The following NRXN1 variants were observed in gnomAD, a reference collection of about 807,000 sequenced individuals.
NRXN1 encodes the protein neurexin 1, also known as neurexin-1.
A neutral mutation model predicts 150.9 loss-of-function variants in NRXN1; 39 were observed. The ratio of observed to expected loss-of-function variants is 0.26; its 90% CI spans 0.20 to 0.34. The LOEUF (loss-of-function observed/expected upper bound fraction) is 0.34. Among genes scored for constraint, NRXN1 ranks in the 10% least tolerant of loss-of-function variants. The probability of loss-of-function intolerance (pLI) is 1.00; values close to 1 mark genes in which losing one functional copy is unlikely to be tolerated. For synonymous variants in NRXN1, 924 were observed against 757.0 expected, an observed-to-expected ratio of 1.22 and a Z score of -3.62; for missense variants, 1,815 against 1,949.9, an observed-to-expected ratio of 0.93 and a Z score of 1.30.
Position 50,347,071 on chromosome 2 carries a change from C to G in NRXN1, c.3365-110101G>C. ...TGAGGGGCCGGCCGCCTCACCGCGC[C>G]AGGGCACCCATCCTCTCCCTCCTTC... On this transcript the variant is annotated intron_variant, in intron 17 of 22. Coordinates refer to ENST00000401669, the MANE Select transcript of NRXN1 (RefSeq NM_001330078.2). This position sits in a 1 kb window ranked among gnomAD's most constrained non-coding sequence, Gnocchi z 4.9. 1 of 1,381,152 alleles carries G rather than the reference C, an allele frequency of 7.2e-7. No individual in the cohort carries two copies. The highest frequency in any genetic ancestry group is 1.5e-5 in the African/African-American group (1 of 66,960). The allele number at this position is 1,381,152 out of a possible 1,614,324, so 85.6% of individuals were successfully genotyped here.
At chr2:50,288,226 G>A (rs1248186581) in intron 17 of NRXN1, among the ~76,000 whole-genome samples, 1 of 152,044 alleles carries the variant, frequency 6.6e-6, no homozygotes, top group East Asian at 1.9e-4. Context: ...GTCAATTGGA[G>A]AAGATTTTAC....
chr2:50,135,954 A>C (rs976825068), intron 18 of NRXN1, among the ~76,000 whole-genome samples: 2 of 152,208 alleles, frequency 1.3e-5, no homozygotes, highest in African/African-American at 4.8e-5. Context: ...TTTCATGTAG[A>C]TGTCAAACAT....
Position 50,313,209 on chromosome 2 carries a change from G to A in NRXN1, c.3365-76239C>T, listed in dbSNP as rs2075319915. On this transcript the variant is annotated intron_variant, in intron 17 of 22. Coordinates refer to ENST00000401669, the MANE Select transcript of NRXN1 (RefSeq NM_001330078.2). Reference sequence around the variant, plus strand: ...TATCTCATCAGTATCTATTAATCAAGGATGGTGAATAACTACAGTCTCATT... The same window carrying A: ...TATCTCATCAGTATCTATTAATCAAAGATGGTGAATAACTACAGTCTCATT... 3.9e-5 allele frequency among the ~76,000 whole-genome samples: 6 copies of A among 152,046 alleles called. No homozygotes were observed. In the South Asian group the frequency reaches 1.2e-3, roughly 32 times the overall value.
intron 17 of NRXN1, among the ~76,000 whole-genome samples, chr2:50,456,392 C>G (rs982506944): frequency 6.6e-6 from 1 of 152,108 alleles, no homozygotes; most frequent in Non-Finnish European, 1.5e-5. Flanking sequence ...GCTAACATAT[C>G]ACCTTTGTGC....
At chr2:50,551,112 G>T (rs1203954122) in intron 9 of NRXN1, among the ~76,000 whole-genome samples, 2 of 117,614 alleles carry the variant, frequency 1.7e-5, no homozygotes, top group Admixed American at 1.7e-4. Context: ...GAGGGAGGGG[G>T]AGGGGGAGGG....
chr2:50,907,898 G>A (rs1477548791), intron 5 of NRXN1, among the ~76,000 whole-genome samples: 1 of 152,116 alleles, frequency 6.6e-6, no homozygotes, highest in African/African-American at 2.4e-5. Context: ...TACATTTGTA[G>A]TAATTTGTTA....
chr2:50,983,464 C>G (rs1697166318), intron 2 of NRXN1, among the ~76,000 whole-genome samples: 1 of 152,092 alleles, frequency 6.6e-6, no homozygotes, highest in Non-Finnish European at 1.5e-5. Flanking sequence ...AGTCCCCACC[C>G]AGTGGTACTG....
intron 5 of NRXN1, among the ~76,000 whole-genome samples, chr2:50,703,724 T>A (rs1317267519): frequency 6.6e-6 from 1 of 152,168 alleles, no homozygotes; most frequent in African/African-American, 2.4e-5. Context: ...TATGAATTGA[T>A]GTTTATTGTA....
At chr2:50,274,784 A>T (rs1257578883) in intron 17 of NRXN1, among the ~76,000 whole-genome samples, 1 of 127,430 alleles carries the variant, frequency 7.8e-6, no homozygotes, top group Non-Finnish European at 1.8e-5. Flanking sequence ...TCAACTACTT[A>T]AAAAAAAACC....
At chr2:50,811,872 T>C (rs762253093) in intron 5 of NRXN1, among the ~76,000 whole-genome samples, 15 of 152,182 alleles carry the variant, frequency 9.9e-5, no homozygotes, top group Admixed American at 2.6e-4. Flanking sequence ...ATCTGTATTA[T>C]TTTTTGACAG....
intron 17 of NRXN1, among the ~76,000 whole-genome samples, chr2:50,318,336 C>G (rs1463088101): frequency 1.3e-5 from 2 of 152,114 alleles, no homozygotes; most frequent in Non-Finnish European, 2.9e-5. Flanking sequence ...AGGAAGTCAT[C>G]ATCCCCCAGT....
chr2:50,727,474 G>A lies in NRXN1; in HGVS notation c.833-103859C>T, dbSNP rs1368013745. Among the ~76,000 whole-genome samples the A allele has an allele frequency of 5.3e-5, 8 of 151,810 alleles. No individual in the cohort carries two copies. In the South Asian group the frequency reaches 8.3e-4, roughly 16 times the overall value. On this transcript the variant is annotated intron_variant, in intron 5 of 22. Coordinates refer to ENST00000401669, the MANE Select transcript of NRXN1 (RefSeq NM_001330078.2). ...CACACACACACCTACACATCCTTCC[G>A]TATGGCTAAAAACAAATTTTAAGTT... is the stretch of plus-strand genomic sequence containing the variant.
At chr2:50,998,269 T>A (rs1011562280) in intron 2 of NRXN1, among the ~76,000 whole-genome samples, 1 of 141,600 alleles carries the variant, frequency 7.1e-6, no homozygotes, top group African/African-American at 3.0e-5. Context: ...AACACATGCA[T>A]ACAGAATATA....
intron 2 of NRXN1, among the ~76,000 whole-genome samples, chr2:51,004,796 AGAG>A (rs919558945): frequency 1.3e-5 from 2 of 152,148 alleles, no homozygotes; most frequent in East Asian, 1.9e-4. Context: ...TTCTCCATCT[AGAG>A]GAGAATTTTC....
intron 17 of NRXN1, among the ~76,000 whole-genome samples, chr2:50,465,141 A>G (rs1335434329): frequency 6.6e-6 from 1 of 151,886 alleles, no homozygotes; most frequent in Non-Finnish European, 1.5e-5. Flanking sequence ...GTTCTTTCAA[A>G]AACCAAGGGA....
intron 2 of NRXN1, among the ~76,000 whole-genome samples, chr2:50,933,390 T>C (rs975682234): frequency 1.4e-4 from 21 of 152,142 alleles, no homozygotes; most frequent in African/African-American, 4.1e-4. Context: ...TAAAAAATAT[T>C]ACTTTCATTC....
intron 17 of NRXN1, among the ~76,000 whole-genome samples, chr2:50,263,159 C>CAT (rs1158153043): frequency 6.4e-4 from 13 of 20,374 alleles, no homozygotes; most frequent in East Asian, 3.4e-3. Flanking sequence ...AACACACATA[C>CAT]ACACACACAC....
At chr2:50,477,499 G>A (rs1201372438) in intron 15 of NRXN1, among the ~76,000 whole-genome samples, 2 of 152,176 alleles carry the variant, frequency 1.3e-5, no homozygotes, top group South Asian at 4.1e-4. Context: ...AAATGACGCG[G>A]TAGAGATTTC....
intron 8 of NRXN1, among the ~76,000 whole-genome samples, chr2:50,599,015 A>G (rs1461101327): frequency 6.6e-6 from 1 of 151,506 alleles, no homozygotes; most frequent in Non-Finnish European, 1.5e-5. Flanking sequence ...AAAGTGATCC[A>G]CTCGCCTCAG....
Sources: gnomAD v4.1 joint callset for allele counts (sites outside exome capture counted in the v4.1 genomes callset) on GRCh38, gnomAD v4.1.1 for gene constraint, Gnocchi (gnomAD v3.1) non-coding constraint, MANE v1.5 for transcripts, NCBI Gene and HGNC (gene_info 2026-07-23, HGNC 2026-07-21) for gene names.